The following KIF21A variants were observed in gnomAD, a reference collection of about 807,000 sequenced individuals.
KIF21A encodes kinesin-like protein KIF21A.
In KIF21A, 114 loss-of-function variants were observed where a neutral mutation model predicts 202.9. The observed-to-expected ratio is 0.56, with a 90% CI of 0.48 to 0.66. The LOEUF is 0.66. Among genes scored for constraint, KIF21A ranks in the 30% least tolerant of loss-of-function variants. The pLI is 0.00. For missense variants in KIF21A, 1,677 were observed against 1,994.9 expected (o/e 0.84, Z 3.04); for synonymous variants, 667 against 670.8 (o/e 0.99, Z 0.09).
At position 39,368,132 on chromosome 12, in the gene KIF21A, G is replaced by C. The variant is rs571658633; in HGVS notation, c.451-100C>G. The C allele has an allele frequency of 4.1e-4, 306 of 743,462 alleles. 2 individuals carry two copies. The highest frequency in any genetic ancestry group is 1.5e-3 in the Middle Eastern group (4 of 2,606). 46.1% of individuals were successfully genotyped at this position (743,462 alleles called of 1,614,324 possible). On this transcript the variant is annotated intron_variant, in intron 3 of 37. Transcript: ENST00000361418. ...TGATTCCTTCATACAGATTTTTAAA[G>C]TATTTCAAAATGACATATTTTTTCA... is the stretch of plus-strand genomic sequence containing the variant.
At chr12:39,305,563 A>T (rs1390468253) in intron 34 of KIF21A, among the ~76,000 whole-genome samples, 8 of 152,168 alleles carry the variant, frequency 5.3e-5, no homozygotes, top group Non-Finnish European at 1.2e-4. Context: ...TTAGCTCCAC[A>T]TCTACGAAAC....
chr12:39,377,792 C>T (rs1404162939), intron 1 of KIF21A, among the ~76,000 whole-genome samples: 1 of 152,100 alleles, frequency 6.6e-6, no homozygotes, highest in Non-Finnish European at 1.5e-5. Context: ...GTTCCAGGGA[C>T]TAGGGAGTAC....
chr12:39,301,055 C>T (rs1214631994), intron 37 of KIF21A, among the ~76,000 whole-genome samples: 1 of 152,046 alleles, frequency 6.6e-6, no homozygotes, highest in Non-Finnish European at 1.5e-5. Context: ...CATCCACAAG[C>T]GGGAGGAAGC....
At chr12:39,414,373 C>T (rs111915817) in intron 1 of KIF21A, among the ~76,000 whole-genome samples, 314 of 152,282 alleles carry the variant, frequency 2.1e-3, no homozygotes, top group African/African-American at 7.4e-3. Context: ...ACTTTATTAT[C>T]AAAAGATCTA....
At chr12:39,391,184 G>A (rs548568350) in intron 1 of KIF21A, among the ~76,000 whole-genome samples, 186 of 152,274 alleles carry the variant, frequency 1.2e-3, no homozygotes, top group African/African-American at 4.2e-3. Context: ...AATCTATTTG[G>A]TTCCTGAGCT....
intron 36 of KIF21A, among the ~76,000 whole-genome samples, chr12:39,302,460 T>C (rs1469650358): frequency 1.3e-5 from 2 of 152,180 alleles, no homozygotes; most frequent in Admixed American, 1.3e-4. Flanking sequence ...TTCCAGGGAA[T>C]TAGGAAAAGA....
chr12:39,322,734 C>T lies in KIF21A; in HGVS notation c.3605G>A (p.Ser1202Asn). The T allele has an allele frequency of 6.2e-7, 1 of 1,614,132 alleles. No homozygotes were observed. The highest frequency in any genetic ancestry group is 8.5e-7 in the Non-Finnish European group (1 of 1,180,014). Residue 1202 changes from serine to asparagine, a missense_variant, in exon 27 of 38, where the codon AGT becomes AAT. This residue lies in a region of KIF21A where 705 missense variants were observed against 791.9 expected (regional missense o/e 0.89). Coordinates refer to ENST00000361418, the MANE Select transcript of KIF21A (RefSeq NM_001173464.2). ...CTCTTTTTCCCTAGCAGAAGTACCA[C>T]TTGTCTCTGTATTCATTCCAATCTC... ...GQEIGMNTET[S>N]GTSAREKELS...
In KIF21A at chr12:39,369,747, C is replaced by A; in HGVS notation, c.432G>T (p.Val144=). The A allele has an allele frequency of 6.2e-7, 1 of 1,612,428 alleles. No homozygotes were observed. The highest frequency in any genetic ancestry group is 1.1e-5 in the South Asian group (1 of 90,778). Residue 144 remains valine (V), a synonymous_variant, in exon 3 of 38, where the codon GTG becomes GTT. Coordinates refer to ENST00000361418, the MANE Select transcript of KIF21A (RefSeq NM_001173464.2). ...TTATTACCTCTAAGAATTGGGCATT[C>A]ACTTTAAAATCTGGAGCAGGAAGCC... ...KNGLPAPDFK[V]NAQFLELYNE...
At chr12:39,439,685 C>A (rs1358254144) in intron 1 of KIF21A, among the ~76,000 whole-genome samples, 1 of 152,122 alleles carries the variant, frequency 6.6e-6, no homozygotes, top group East Asian at 1.9e-4. Flanking sequence ...CGCTTAATAG[C>A]CACATGGGGT....
intron 24 of KIF21A, among the ~76,000 whole-genome samples, chr12:39,327,222 G>A (rs891880234): frequency 6.6e-6 from 1 of 152,040 alleles, no homozygotes; most frequent in African/African-American, 2.4e-5. Context: ...ATACAGGTAG[G>A]CTATGGCACC....
chr12:39,387,741 C>T (rs1951049144), intron 1 of KIF21A, among the ~76,000 whole-genome samples: 1 of 152,106 alleles, frequency 6.6e-6, no homozygotes, highest in Non-Finnish European at 1.5e-5. Flanking sequence ...CAAGAATCCA[C>T]ATCAGAACTT....
At chr12:39,316,744 A>G (rs182552269) in intron 29 of KIF21A, among the ~76,000 whole-genome samples, 1 of 152,338 alleles carries the variant, frequency 6.6e-6, no homozygotes, top group African/African-American at 2.4e-5. Flanking sequence ...TGCTTCAAAA[A>G]GGAGCCCCAG....
intron 6 of KIF21A, among the ~76,000 whole-genome samples, chr12:39,363,861 T>C (rs1403883175): frequency 6.6e-6 from 1 of 151,922 alleles, no homozygotes; most frequent in Non-Finnish European, 1.5e-5. Context: ...CTACTGAAAA[T>C]ACAAAAATCA....
chr12:39,326,356 T>C, intron 24 of KIF21A, 32 bp from the exon 25 acceptor site: 1 of 1,487,858 alleles, frequency 6.7e-7, no homozygotes, highest in Non-Finnish European at 9.4e-7. Flanking sequence ...GTAAGCATTA[T>C]CCCCATGTCA....
chr12:39,332,943 A>C lies in KIF21A; in HGVS notation c.2652T>G (p.Ile884Met), dbSNP rs2138145260. The C allele has an allele frequency of 6.2e-7, 1 of 1,613,996 alleles. No individual in the cohort carries two copies. The highest frequency in any genetic ancestry group is 2.2e-5 in the East Asian group (1 of 44,878). ...SRTGAQQKMRIPVARVQALPT... is the reference protein window; with the variant it reads ...SRTGAQQKMRMPVARVQALPT... ...GTAAGGCCTGGACTCTCGCCACAGG[A>C]ATTCTCATTTTCTGCTGGGCTCCTG... The change falls in exon 19 of 38, where the codon ATT (isoleucine) becomes ATG (methionine). Residue 884 changes from isoleucine (I) to methionine (M), a missense_variant. Physicochemically the swap from Ile to Met is conservative, Grantham distance 10 (BLOSUM62 1). This residue lies in a region of KIF21A where 966 missense variants were observed against 1,180.9 expected (regional missense o/e 0.82). Transcript: ENST00000361418.
chr12:39,408,555 C>A (rs1266055461), intron 1 of KIF21A, among the ~76,000 whole-genome samples: 1 of 151,492 alleles, frequency 6.6e-6, no homozygotes, highest in East Asian at 1.9e-4. Flanking sequence ...TAGTTAAATG[C>A]ATATTCTCAA....
chr12:39,308,647 G>A (rs1398984342), intron 33 of KIF21A, among the ~76,000 whole-genome samples: 5 of 152,028 alleles, frequency 3.3e-5, no homozygotes, highest in Non-Finnish European at 5.9e-5. Flanking sequence ...AATTCTAGGT[G>A]AAATTTTTTT....
intron 1 of KIF21A, among the ~76,000 whole-genome samples, chr12:39,395,382 G>A (rs1053422605): frequency 7.2e-6 from 1 of 139,016 alleles, no homozygotes. Context: ...CCACCCACCC[G>A]CTTCTTCACC....
intron 24 of KIF21A, among the ~76,000 whole-genome samples, chr12:39,327,737 A>G (rs1946096459): frequency 6.6e-6 from 1 of 152,174 alleles, no homozygotes; most frequent in Non-Finnish European, 1.5e-5. Context: ...CTTCAGGACC[A>G]AGTTTGGTCT....
Sources: allele counts gnomAD v4.1 joint callset (sites outside exome capture counted in the v4.1 genomes callset), GRCh38; gene constraint gnomAD v4.1.1; regional missense constraint gnomAD v4.1.1; transcripts MANE v1.5; gene names NCBI Gene and HGNC (gene_info 2026-07-23, HGNC 2026-07-21).